The following PRKAR2A variants were observed in gnomAD, a reference collection of about 807,000 sequenced individuals.
PRKAR2A encodes protein kinase cAMP-dependent type II regulatory subunit alpha, also known as cAMP-dependent protein kinase type II-alpha regulatory subunit.
A neutral mutation model predicts 51.9 loss-of-function variants in PRKAR2A; 29 were observed. That is an observed-to-expected ratio of 0.56 (90% CI 0.42 to 0.76). PRKAR2A has a LOEUF of 0.76. PRKAR2A is among the 30% of genes least tolerant of loss of function. The pLI is 0.00. For synonymous variants in PRKAR2A, 178 were observed against 186.2 expected (o/e 0.96, Z 0.36); for missense variants, 445 against 512.1 (o/e 0.87, Z 1.26).
At chr3:48,826,610 A>AT (rs1271011535) in intron 1 of PRKAR2A, among the ~76,000 whole-genome samples, 1 of 152,136 alleles carries the variant, frequency 6.6e-6, no homozygotes, top group African/African-American at 2.4e-5. Flanking sequence ...CTCCCCAGAG[A>AT]TTAGACTTCC....
intron 1 of PRKAR2A, among the ~76,000 whole-genome samples, chr3:48,814,402 G>C (rs2082839071): frequency 6.6e-6 from 1 of 152,186 alleles, no homozygotes; most frequent in Admixed American, 6.6e-5. Flanking sequence ...TGGGCAACAA[G>C]AGTGAGACTC....
At chr3:48,779,592 C>A (rs56789885) in intron 5 of PRKAR2A, among the ~76,000 whole-genome samples, 10 of 151,090 alleles carry the variant, frequency 6.6e-5, no homozygotes, top group African/African-American at 1.9e-4. Flanking sequence ...ACCAGCCTGG[C>A]CAACACGGTG....
chr3:48,767,923 CA>C (rs1213781822), intron 6 of PRKAR2A, among the ~76,000 whole-genome samples: 26 of 121,762 alleles, frequency 2.1e-4, no homozygotes, highest in East Asian at 2.5e-4. Context: ...GACTCCATCT[CA>C]AAAAAAAAAA....
At chr3:48,841,140 C>G (rs1436033514) in intron 1 of PRKAR2A, among the ~76,000 whole-genome samples, 1 of 151,236 alleles carries the variant, frequency 6.6e-6, no homozygotes, top group Non-Finnish European at 1.5e-5. Context: ...CCCGCCTCGG[C>G]CCCCCAGTGC....
intron 1 of PRKAR2A, among the ~76,000 whole-genome samples, chr3:48,815,386 C>T (rs2082857547): frequency 6.6e-6 from 1 of 150,906 alleles, no homozygotes; most frequent in Admixed American, 6.6e-5. Context: ...AAAAGTAAGT[C>T]AGCTTTATTA....
intron 3 of PRKAR2A, 114 bp downstream of exon 3, chr3:48,793,883 A>G (rs2082434329): frequency 1.1e-6 from 1 of 878,780 alleles, no homozygotes; most frequent in South Asian, 1.5e-5. Context: ...ATGTCACTTC[A>G]GTGATATTTT....
chr3:48,822,795 A>G (rs2082990830), intron 1 of PRKAR2A, among the ~76,000 whole-genome samples: 1 of 145,868 alleles, frequency 6.9e-6, no homozygotes, highest in Admixed American at 7.2e-5. Flanking sequence ...TGGTGCAATC[A>G]TGGCCTTGAC....
At chr3:48,838,026 A>C (rs1167831609) in intron 1 of PRKAR2A, among the ~76,000 whole-genome samples, 5 of 151,894 alleles carry the variant, frequency 3.3e-5, no homozygotes, top group Non-Finnish European at 7.4e-5. Flanking sequence ...AAAATACAAA[A>C]AATTAGCCGG....
intron 1 of PRKAR2A, among the ~76,000 whole-genome samples, chr3:48,809,029 C>G (rs967333155): frequency 6.6e-6 from 1 of 152,092 alleles, no homozygotes; most frequent in Non-Finnish European, 1.5e-5. Flanking sequence ...GATCCACCCA[C>G]CTTGGCCTCC....
rs908277220 is a variant in PRKAR2A, at chr3:48,746,662, C to T, written c.*4923G>A. On this transcript the variant is annotated 3_prime_UTR_variant, in exon 11 of 11. Coordinates refer to ENST00000265563, the MANE Select transcript of PRKAR2A (RefSeq NM_004157.4). ...TTAACAACAACAAAAAGAACATCAA[C>T]CTTGTTTATGGCAAACAGTGACTTA... The T allele has an allele frequency of 2.0e-5, 3 of 152,188 alleles. No individual in the cohort carries two copies. The highest frequency in any genetic ancestry group is 4.4e-5 in the Non-Finnish European group (3 of 68,046). 9.4% of individuals were successfully genotyped at this position (152,188 alleles called of 1,614,324 possible).
intron 1 of PRKAR2A, among the ~76,000 whole-genome samples, chr3:48,839,287 T>TAAAAGAAAA (rs2083339048): frequency 8.4e-6 from 1 of 119,714 alleles, no homozygotes. Flanking sequence ...AAATTCCGTC[T>TAAAAGAAAA]AAAAAAAAAA....
chr3:48,797,642 T>C (rs145356799), intron 2 of PRKAR2A, among the ~76,000 whole-genome samples: 1 of 152,310 alleles, frequency 6.6e-6, no homozygotes, highest in African/African-American at 2.4e-5. Context: ...ATGCCATCGA[T>C]ACCAAGTGCC....
rs189170205 is a variant in PRKAR2A at position 48,830,096 on chromosome 3, G to A, written c.262+17239C>T. On this transcript the variant is annotated intron_variant, in intron 1 of 10. Coordinates refer to ENST00000265563, the MANE Select transcript of PRKAR2A (RefSeq NM_004157.4). ...CACACACCTGTAATCCCAACTGCTC[G>A]AGAGGCTGGGGCAAGGGAATCACTC... Among the ~76,000 whole-genome samples the A allele has an allele frequency of 4.6e-5, 7 of 151,124 alleles. No homozygotes were observed. In the East Asian group the frequency reaches 7.8e-4, roughly 17 times the overall value.
chr3:48,778,055 TACC>T (rs1479025662), intron 5 of PRKAR2A, among the ~76,000 whole-genome samples: 1 of 152,232 alleles, frequency 6.6e-6, no homozygotes, highest in Non-Finnish European at 1.5e-5. Context: ...TTATCATTGT[TACC>T]ACCACATTAT....
Position 48,763,667 on chromosome 3 carries a change from T to C in PRKAR2A, c.873+1337A>G, listed in dbSNP as rs1320127494. 2.0e-5 allele frequency among the ~76,000 whole-genome samples: 3 copies of C among 152,186 alleles called. No homozygotes were observed. In the South Asian group the frequency reaches 6.2e-4, roughly 31 times the overall value. On this transcript the variant is annotated intron_variant, in intron 8 of 10. Coordinates refer to ENST00000265563, the MANE Select transcript of PRKAR2A (RefSeq NM_004157.4). ...TATTGTTTTCTTGCTCTGAAGGACC[T>C]TTCCCTGATCCCAAACATTGAAATT...
At chr3:48,773,157 T>C (rs2082053210) in intron 5 of PRKAR2A, 49 bp from the exon 6 acceptor site, 1 of 1,459,290 alleles carries the variant, frequency 6.9e-7, no homozygotes, top group Non-Finnish European at 9.5e-7. Context: ...TGATAATAAA[T>C]GTTAAGAACT....
chr3:48,771,537 T>C (rs1275662454), intron 6 of PRKAR2A, among the ~76,000 whole-genome samples: 2 of 152,214 alleles, frequency 1.3e-5, no homozygotes, highest in Non-Finnish European at 2.9e-5. Flanking sequence ...TTTCTTTCAA[T>C]TGTAGTTAGA....
At chr3:48,810,807 G>T (rs1017514038) in intron 1 of PRKAR2A, among the ~76,000 whole-genome samples, 5 of 151,988 alleles carry the variant, frequency 3.3e-5, no homozygotes, top group African/African-American at 1.2e-4. Flanking sequence ...CCTAGAAAAA[G>T]AAATTAAGGG....
chr3:48,758,556 C>T (rs1289546708), intron 8 of PRKAR2A, among the ~76,000 whole-genome samples: 5 of 144,976 alleles, frequency 3.4e-5, no homozygotes, highest in African/African-American at 1.3e-4. Flanking sequence ...GCACTCCAGC[C>T]TGGGCGACAG....
Sources: gnomAD v4.1 joint callset for allele counts (sites outside exome capture counted in the v4.1 genomes callset) on GRCh38, gnomAD v4.1.1 for gene constraint, MANE v1.5 for transcripts, NCBI Gene and HGNC (gene_info 2026-07-23, HGNC 2026-07-21) for gene names.